ADCY2: variants seen among roughly 807,000 people sequenced by gnomAD.
The protein encoded by ADCY2 is adenylate cyclase type 2.
ADCY2 carries 31 observed loss-of-function variants against 125.2 expected under a neutral mutation model. The ratio of observed to expected loss-of-function variants is 0.25; its 90% CI spans 0.19 to 0.33. The LOEUF (loss-of-function observed/expected upper bound fraction) is 0.33. Ranked by LOEUF, ADCY2 falls within the 10% of genes least tolerant of loss-of-function variation. The probability of loss-of-function intolerance (pLI) is 1.00; values close to 1 mark genes in which losing one functional copy is unlikely to be tolerated. For synonymous variants in ADCY2, 512 were observed against 548.4 expected (o/e 0.93, Z 0.93); for missense variants, 904 against 1,418.2 (o/e 0.64, Z 5.82).
chr5:7,802,447 C>T lies in ADCY2; in HGVS notation c.2775+83C>T, dbSNP rs938279448. ...ACTTGAAGTTACTTCAGGATAGTGGCCTATCCCAAAAAAACTTGTCCTTTG... is the reference window on the plus strand; with the variant it reads ...ACTTGAAGTTACTTCAGGATAGTGGTCTATCCCAAAAAAACTTGTCCTTTG... On this transcript the variant is annotated intron_variant, in intron 21 of 24. Coordinates refer to ENST00000338316, the MANE Select transcript of ADCY2 (RefSeq NM_020546.3). This position sits in a 1 kb window ranked among gnomAD's most constrained non-coding sequence, Gnocchi z 4.6. 1.5e-5 allele frequency: 22 copies of T among 1,466,692 alleles called. No homozygotes were observed. The highest frequency in any genetic ancestry group is 1.9e-5 in the Non-Finnish European group (21 of 1,096,496). The allele number at this position is 1,466,692 out of a possible 1,614,324, so 90.9% of individuals were successfully genotyped here.
At chr5:7,821,034 G>T (rs1419359283) in intron 24 of ADCY2, among the ~76,000 whole-genome samples, 1 of 152,072 alleles carries the variant, frequency 6.6e-6, no homozygotes. Flanking sequence ...CAAACGAGAG[G>T]GATCACATGC....
At chr5:7,441,260 G>A (rs982726885) in intron 2 of ADCY2, among the ~76,000 whole-genome samples, 5 of 152,138 alleles carry the variant, frequency 3.3e-5, no homozygotes, top group East Asian at 1.9e-4. Context: ...CATGGGAGAC[G>A]GAATGGAATT....
chr5:7,761,370 G>A (rs1423143121), intron 16 of ADCY2, among the ~76,000 whole-genome samples: 2 of 151,926 alleles, frequency 1.3e-5, no homozygotes, highest in Non-Finnish European at 2.9e-5. Flanking sequence ...GGCTGGTCTT[G>A]AACTCCTTAC....
chr5:7,679,803 G>A (rs980031631), intron 4 of ADCY2, among the ~76,000 whole-genome samples: 4 of 152,214 alleles, frequency 2.6e-5, no homozygotes, highest in African/African-American at 9.6e-5. Context: ...ATGTGACAGA[G>A]ACCAATGGAT....
At chr5:7,653,805 C>T (rs537163776) in intron 4 of ADCY2, among the ~76,000 whole-genome samples, 2 of 152,124 alleles carry the variant, frequency 1.3e-5, no homozygotes, top group East Asian at 1.9e-4. Context: ...CTTTTTTTCC[C>T]ATGTTTTATG....
chr5:7,411,211 C>A (rs1382398367), intron 1 of ADCY2, among the ~76,000 whole-genome samples: 1 of 152,116 alleles, frequency 6.6e-6, no homozygotes, highest in East Asian at 1.9e-4. Context: ...TCAGTGGGCC[C>A]AGCTTTTGCA....
At chr5:7,534,793 T>G (rs1734763066) in intron 3 of ADCY2, among the ~76,000 whole-genome samples, 1 of 152,218 alleles carries the variant, frequency 6.6e-6, no homozygotes, top group East Asian at 1.9e-4. Context: ...TCCCTGGACT[T>G]AAGTGGCCAG....
chr5:7,452,608 A>G lies in ADCY2; in HGVS notation c.408+37838A>G, dbSNP rs1741514772. On this transcript the variant is annotated intron_variant, in intron 2 of 24. Transcript: ENST00000338316. ...TGATATAACTTCTTTCCTTTTCCAT[A>G]GATACCCAGTAGTGAGATTGCTGGA... 2.0e-5 allele frequency among the ~76,000 whole-genome samples: 3 copies of G among 152,126 alleles called. No homozygotes were observed. The South Asian group carries it at 6.2e-4, about 31-fold the overall frequency.
At chr5:7,737,960 C>T (rs890408827) in intron 14 of ADCY2, among the ~76,000 whole-genome samples, 1 of 151,880 alleles carries the variant, frequency 6.6e-6, no homozygotes, top group South Asian at 2.1e-4. Flanking sequence ...TTTTCAAAGT[C>T]GAGATGAAAT....
At chr5:7,667,696 T>C (rs78494742) in intron 4 of ADCY2, among the ~76,000 whole-genome samples, 1,761 of 152,324 alleles carry the variant, frequency 0.012, 27 homozygotes, top group African/African-American at 0.031. Flanking sequence ...TAACTAAATT[T>C]TCATTGCCTT....
intron 4 of ADCY2, among the ~76,000 whole-genome samples, chr5:7,670,987 C>T (rs936311736): frequency 6.6e-6 from 1 of 152,116 alleles, no homozygotes; most frequent in Admixed American, 6.5e-5. Flanking sequence ...TCTAAGATTC[C>T]GTCTCTGGGT....
chr5:7,791,375 C>G (rs1214543190), intron 20 of ADCY2, among the ~76,000 whole-genome samples: 1 of 152,072 alleles, frequency 6.6e-6, no homozygotes, highest in East Asian at 1.9e-4. Context: ...TGGATGATAC[C>G]AGAACACAAA....
At chr5:7,668,770 G>A (rs560063135) in intron 4 of ADCY2, among the ~76,000 whole-genome samples, 7 of 152,266 alleles carry the variant, frequency 4.6e-5, no homozygotes, top group African/African-American at 1.4e-4. Context: ...AGTCATCTGA[G>A]ATCAGCTTGG....
intron 7 of ADCY2, among the ~76,000 whole-genome samples, chr5:7,703,521 G>A: frequency 6.6e-6 from 1 of 152,110 alleles, no homozygotes; most frequent in Non-Finnish European, 1.5e-5. Context: ...GTTTGTCAAA[G>A]ATCAGATGGT....
At chr5:7,613,509 C>T (rs1016449726) in intron 3 of ADCY2, among the ~76,000 whole-genome samples, 3 of 152,202 alleles carry the variant, frequency 2.0e-5, no homozygotes, top group Admixed American at 6.5e-5. Context: ...GTCCCCAGGT[C>T]ACCTGCATTT....
At chr5:7,636,320 G>T (rs536631352) in intron 4 of ADCY2, among the ~76,000 whole-genome samples, 1 of 152,206 alleles carries the variant, frequency 6.6e-6, no homozygotes, top group African/African-American at 2.4e-5. Context: ...CAAAGCCTTC[G>T]CTGGGGTTCA....
intron 2 of ADCY2, among the ~76,000 whole-genome samples, chr5:7,452,969 A>G (rs1027300347): frequency 1.6e-4 from 24 of 151,908 alleles, no homozygotes; most frequent in African/African-American, 5.1e-4. Context: ...GTCCTTGTTG[A>G]TTTGAGTTCC....
chr5:7,497,499 T>TAGTTGAGGC (rs924408979), intron 2 of ADCY2, among the ~76,000 whole-genome samples: 6 of 152,184 alleles, frequency 3.9e-5, no homozygotes, highest in African/African-American at 1.4e-4. Context: ...CAGTAATATC[T>TAGTTGAGGC]AGTTGAGGCG....
chr5:7,448,926 T>C (rs1741376418), intron 2 of ADCY2, among the ~76,000 whole-genome samples: 1 of 152,204 alleles, frequency 6.6e-6, no homozygotes, highest in Non-Finnish European at 1.5e-5. Context: ...TGAATACTGC[T>C]GTAATGGACA....
Sources: gnomAD v4.1 joint callset for allele counts (sites outside exome capture counted in the v4.1 genomes callset) on GRCh38, gnomAD v4.1.1 for gene constraint, Gnocchi (gnomAD v3.1) non-coding constraint, MANE v1.5 for transcripts, NCBI Gene and HGNC (gene_info 2026-07-23, HGNC 2026-07-21) for gene names.